LRP2: variants seen among roughly 807,000 people sequenced by gnomAD.
The protein encoded by LRP2 is LDL receptor related protein 2.
In LRP2, 172 loss-of-function variants were observed where a neutral mutation model predicts 531.0. The observed-to-expected ratio is 0.32, with a 90% CI of 0.29 to 0.37. The LOEUF (loss-of-function observed/expected upper bound fraction) is 0.37, where lower values mean the gene tolerates loss of function less well. Among genes scored for constraint, LRP2 ranks in the 10% least tolerant of loss-of-function variants. The pLI, the probability that LRP2 is intolerant of heterozygous loss-of-function variation, is 1.00. For missense variants in LRP2, 5,167 were observed against 5,868.3 expected, an observed-to-expected ratio of 0.88 and a Z score of 3.90; for synonymous variants, 1,992 against 2,027.6, an observed-to-expected ratio of 0.98 and a Z score of 0.47.
At position 169,354,430 on chromosome 2, in the gene LRP2, A is replaced by T. The variant is rs368835132; in HGVS notation, c.79+7891T>A. Reference sequence around the variant, plus strand: ...ATGGTAACAGTGGCTCAACTATTCAATGCACAGAATGGTAATTACATTTCC... The same window carrying T: ...ATGGTAACAGTGGCTCAACTATTCATTGCACAGAATGGTAATTACATTTCC... On this transcript the variant is annotated intron_variant, in intron 1 of 78. Transcript: ENST00000649046. Among the ~76,000 whole-genome samples the T allele has an allele frequency of 5.9e-5, 9 of 152,336 alleles. No homozygotes were observed. The East Asian group carries it at 1.7e-3, about 29-fold the overall frequency.
chr2:169,271,063 C>T lies in LRP2; in HGVS notation c.2161G>A (p.Gly721Arg), dbSNP rs1459414655. The T allele has an allele frequency of 6.2e-7, 1 of 1,613,000 alleles. No homozygotes were observed. The highest frequency in any genetic ancestry group is 1.3e-5 in the African/African-American group (1 of 74,898). ...TGGGTAGACAAGGTGAACGGGATCC[C>T]ACGAATAGCAACTTGGGATGAAAAA... ...LIFSSQVAIR[G>R]IPFTLSTQED... is the part of the protein sequence containing the mutation. The change falls in exon 16 of 79, where the codon GGG (glycine) becomes AGG (arginine). Residue 721 changes from glycine (G) to arginine (R), a missense_variant. By Grantham distance (125) the Gly-to-Arg change is moderately radical (BLOSUM62 -2). Coordinates refer to ENST00000649046, the MANE Select transcript of LRP2 (RefSeq NM_004525.3).
chr2:169,313,783 G>T (rs1318442782), intron 3 of LRP2, among the ~76,000 whole-genome samples: 2 of 152,156 alleles, frequency 1.3e-5, no homozygotes, highest in Non-Finnish European at 2.9e-5. Context: ...CTCACGCTGG[G>T]AGCTGTAGAC....
At chr2:169,248,770 G>A (rs1382372819) in intron 19 of LRP2, among the ~76,000 whole-genome samples, 2 of 132,200 alleles carry the variant, frequency 1.5e-5, no homozygotes, top group Non-Finnish European at 3.2e-5. Context: ...GCAGGCCAGT[G>A]TGTGTGCGCA....
At position 169,307,361 on chromosome 2, in the gene LRP2, G is replaced by A. The variant is rs776383533; in HGVS notation, c.347C>T (p.Ser116Phe). ...TTCACTTGGGATACACTGACCATTG[G>A]AGCATGTTATCTGATGACTTGAGCA... ...STCSSHQITCSNGQCIPSEYR... is the reference protein window; with the variant it reads ...STCSSHQITCFNGQCIPSEYR... Residue 116 changes from serine to phenylalanine, a missense_variant, in exon 4 of 79, where the codon TCC (serine) becomes TTC (phenylalanine). By Grantham distance (155) the Ser-to-Phe change is radical (BLOSUM62 -2). Around this residue, in one of 6 missense-constraint regions of LRP2, gnomAD observed 2,811 missense variants for 3,058.0 expected, o/e 0.92. Coordinates refer to ENST00000649046, the MANE Select transcript of LRP2 (RefSeq NM_004525.3). 3.7e-6 allele frequency: 6 copies of A among 1,613,702 alleles called. No homozygotes were observed. The highest frequency in any genetic ancestry group is 2.2e-5 in the East Asian group (1 of 44,898).
chr2:169,221,974 G>A (rs1278586050), intron 33 of LRP2, among the ~76,000 whole-genome samples: 2 of 151,982 alleles, frequency 1.3e-5, no homozygotes, highest in Admixed American at 1.3e-4. Flanking sequence ...TTAGTGGATG[G>A]GAACACAGCT....
At chr2:169,285,286 C>A (rs941561453) in intron 9 of LRP2, among the ~76,000 whole-genome samples, 5 of 83,090 alleles carry the variant, frequency 6.0e-5, no homozygotes, top group African/African-American at 1.5e-4. Context: ...ACAGTGAGAC[C>A]CTATCACAAA....
chr2:169,154,373 T>A, intron 66 of LRP2, 87 bp downstream of exon 66: 1 of 1,280,290 alleles, frequency 7.8e-7, no homozygotes, highest in East Asian at 2.3e-5. Context: ...AATTCACTCA[T>A]TAAACAATAA....
chr2:169,194,737 T>TTC lies in LRP2; in HGVS notation c.8699-846_8699-845insGA, dbSNP rs1166376655. 2.7e-5 allele frequency among the ~76,000 whole-genome samples: 4 copies of TTC among 150,054 alleles called. No individual in the cohort carries two copies. The East Asian group carries it at 7.8e-4, about 29-fold the overall frequency. ...CAGACTTTTTTTTTTTTTTTTTTTT[T>TTC]TGGAGACAGAGTCTCACTCTGTGGC... On this transcript the variant is annotated intron_variant, in intron 46 of 78. Transcript: ENST00000649046.
chr2:169,294,584 T>G lies in LRP2; in HGVS notation c.538+16A>C, dbSNP rs752230544. Reference sequence around the variant, plus strand: ...AGCTTCAGCACACAACTGCACATCTTGTGCACAATACTTACTGCAGTTGAT... The same window carrying G: ...AGCTTCAGCACACAACTGCACATCTGGTGCACAATACTTACTGCAGTTGAT... On this transcript the variant is annotated intron_variant, in intron 5 of 78. Coordinates refer to ENST00000649046, the MANE Select transcript of LRP2 (RefSeq NM_004525.3). The G allele has an allele frequency of 6.4e-7, 1 of 1,568,322 alleles. No homozygotes were observed. Among genetic ancestry groups the G allele is most frequent in the Non-Finnish European group, 8.8e-7 (1 of 1,138,714 alleles).
At chr2:169,224,928 A>G (rs972983023) in intron 33 of LRP2, among the ~76,000 whole-genome samples, 6 of 151,940 alleles carry the variant, frequency 3.9e-5, no homozygotes, top group Admixed American at 6.6e-5. Flanking sequence ...CGTCTCTACT[A>G]AAAATACAAA....
At chr2:169,276,122 G>A (rs1002360288) in intron 13 of LRP2, among the ~76,000 whole-genome samples, 1 of 152,096 alleles carries the variant, frequency 6.6e-6, no homozygotes, top group Non-Finnish European at 1.5e-5. Context: ...CACACTAAAG[G>A]GGAGTAAACA....
rs1283018695 is a variant in LRP2, at chr2:169,175,212, A to C, written c.10749T>G (p.Asp3583Glu). 6.2e-7 allele frequency: 1 copy of C among 1,614,182 alleles called. No individual in the cohort carries two copies. The highest frequency in any genetic ancestry group is 8.5e-7 in the Non-Finnish European group (1 of 1,180,002). ...NAHQNCPDGS[D>E]EDRLLCENHH... is the part of the protein sequence containing the mutation. Reference sequence around the variant, plus strand: ...ACACACCACAAAGAAGACGGTCTTCATCAGACCCATCAGGGCAATTTTGGT... The same window carrying C: ...ACACACCACAAAGAAGACGGTCTTCCTCAGACCCATCAGGGCAATTTTGGT... The change falls in exon 55 of 79, where the codon GAT becomes GAG. Residue 3583 changes from aspartate (D) to glutamate (E), a missense_variant. Asp to Glu is a conservative substitution (Grantham distance 45). Around this residue, in one of 6 missense-constraint regions of LRP2, gnomAD observed 311 missense variants for 309.4 expected, o/e 1.01. Coordinates refer to ENST00000649046, the MANE Select transcript of LRP2 (RefSeq NM_004525.3).
chr2:169,200,205 C>T lies in LRP2; in HGVS notation c.8453-1294G>A, dbSNP rs1029121422. Among the ~76,000 whole-genome samples the T allele has an allele frequency of 3.9e-5, 6 of 152,194 alleles. No individual in the cohort carries two copies. In the Middle Eastern group the frequency reaches 0.014, roughly 345 times the overall value. The stretch of plus-strand genomic sequence containing the variant: ...GGCAGAGCTTGCAGTGAGCTGAGAT[C>T]GCGTCACTGCACTCCAGCCTGGGCG... On this transcript the variant is annotated intron_variant, in intron 44 of 78. Transcript: ENST00000649046.
At chr2:169,275,758 A>C (rs1683536576) in intron 13 of LRP2, among the ~76,000 whole-genome samples, 1 of 152,092 alleles carries the variant, frequency 6.6e-6, no homozygotes, top group African/African-American at 2.4e-5. Flanking sequence ...CACTGTAAGG[A>C]AAGCAAGAAG....
chr2:169,178,630 T>A (rs1574101725), intron 52 of LRP2, among the ~76,000 whole-genome samples: 2 of 152,308 alleles, frequency 1.3e-5, no homozygotes, highest in Non-Finnish European at 2.9e-5. Flanking sequence ...CTTTTACAGA[T>A]GAATAAACCT....
intron 1 of LRP2, among the ~76,000 whole-genome samples, chr2:169,337,399 C>T (rs1447337717): frequency 6.6e-6 from 1 of 152,144 alleles, no homozygotes; most frequent in Non-Finnish European, 1.5e-5. Context: ...GCCATCTTTG[C>T]TAATGCCAGA....
At chr2:169,302,686 CA>C (rs1298655942) in intron 4 of LRP2, among the ~76,000 whole-genome samples, 2 of 151,398 alleles carry the variant, frequency 1.3e-5, no homozygotes, top group African/African-American at 4.9e-5. Context: ...TAAAGGACAT[CA>C]GGGGACACAA....
chr2:169,353,951 C>A (rs778217906), intron 1 of LRP2, among the ~76,000 whole-genome samples: 24 of 152,148 alleles, frequency 1.6e-4, no homozygotes, highest in Non-Finnish European at 3.2e-4. Context: ...TGCACTCCAG[C>A]CTGAGTGATA....
intron 4 of LRP2, among the ~76,000 whole-genome samples, chr2:169,305,249 T>G (rs1451222664): frequency 1.3e-5 from 2 of 151,972 alleles, no homozygotes; most frequent in Admixed American, 6.6e-5. Flanking sequence ...AAATGCACCA[T>G]GTGGTCATGG....
Sources: gnomAD v4.1 joint callset for allele counts (sites outside exome capture counted in the v4.1 genomes callset) on GRCh38, gnomAD v4.1.1 for gene constraint, gnomAD v4.1.1 regional missense constraint, MANE v1.5 for transcripts, NCBI Gene and HGNC (gene_info 2026-07-23, HGNC 2026-07-21) for gene names.